Variants in CER1 observed in about 807,000 individuals in gnomAD.
CER1 encodes the protein cerberus 1, DAN family BMP antagonist.
A neutral mutation model predicts 11.8 loss-of-function variants in CER1; 10 were observed. The ratio of observed to expected loss-of-function variants is 0.85; its 90% confidence interval spans 0.52 to 1.44. The LOEUF is 1.44. Among genes scored for constraint, CER1 ranks in the 40% most tolerant of loss-of-function variants. The pLI is 0.00. For missense variants in CER1, 431 were observed against 327.0 expected, an observed-to-expected ratio of 1.32 and a Z score of -2.45; for synonymous variants, 141 against 122.3, an observed-to-expected ratio of 1.15 and a Z score of -1.01.
downstream of CER1, among the ~76,000 whole-genome samples, chr9:14,719,325 G>T (rs540843762): frequency 6.6e-6 from 1 of 152,116 alleles, no homozygotes; most frequent in Non-Finnish European, 1.5e-5. Context: ...CTTCTTCAAA[G>T]TCAGAGACCT....
rs959150403 is a variant in CER1 at position 14,719,919 on chromosome 9, G to A, written c.*171C>T. On this transcript the variant is annotated 3_prime_UTR_variant, in exon 2 of 2. Coordinates refer to ENST00000380911, the MANE Select transcript of CER1 (RefSeq NM_005454.3). ...GCAGAGCTGAGACAAGGTCTCAAAC[G>A]TGTACCAATAACTAGACTAATATCA... 7 of 621,136 alleles carry A rather than the reference G, an allele frequency of 1.1e-5. No homozygotes were observed. Among genetic ancestry groups the A allele is most frequent in the South Asian group, 2.0e-5 (1 of 49,802 alleles). The allele number at this position is 621,136 out of a possible 1,614,324, so 38.5% of individuals were successfully genotyped here.
downstream of CER1, among the ~76,000 whole-genome samples, chr9:14,719,549 GCCTGCCTGCCTGCCTTCCTTCCTT>G (rs1383726839): frequency 1.4e-3 from 111 of 78,340 alleles, no homozygotes; most frequent in African/African-American, 6.1e-3. Context: ...CTGCCTGCCT[GCCTGCCTGCCTGCCTTCCTTCCTT>G]CCTTCCTTCC....
chr9:14,719,181 T>A (rs2131788596), downstream of CER1, among the ~76,000 whole-genome samples: 1 of 152,316 alleles, frequency 6.6e-6, no homozygotes, highest in Non-Finnish European at 1.5e-5. Flanking sequence ...GTTACTTTCA[T>A]TAGCATCTCT....
Position 14,720,304 on chromosome 9 carries a change from C to G in CER1, c.590G>C (p.Gly197Ala). The change falls in exon 2 of 2, where the codon GGA (glycine) becomes GCA (alanine). Residue 197 changes from glycine to alanine, a missense_variant. By Grantham distance (60) the Gly-to-Ala change is moderately conservative (BLOSUM62 0). Coordinates refer to ENST00000380911, the MANE Select transcript of CER1 (RefSeq NM_005454.3). ...GGAGGTATGGGAGTGCTGCGCGGCT[C>G]CAGGAAAATGAACAGACCCGCATTT... ...FGKCGSVHFP[G>A]AAQHSHTSCS... The G allele has an allele frequency of 6.2e-7, 1 of 1,614,040 alleles. No homozygotes were observed.
In CER1 at chr9:14,719,938, A is replaced by C; in HGVS notation, c.*152T>G. On this transcript the variant is annotated 3_prime_UTR_variant, in exon 2 of 2. Transcript: ENST00000380911. ...TCAAACGTGTACCAATAACTAGACT[A>C]ATATCATTTCCTCTATCGTTCTAAT... The C allele has an allele frequency of 1.5e-6, 1 of 667,852 alleles. No individual in the cohort carries two copies. Among genetic ancestry groups the C allele is most frequent in the Non-Finnish European group, 2.6e-6 (1 of 391,996 alleles). 41.4% of individuals were successfully genotyped at this position (667,852 alleles called of 1,614,324 possible). A position where few individuals can be genotyped will look rare whatever the true frequency, so the allele number is the denominator to read the frequency against.
chr9:14,721,582 G>A (rs943526238), intron 1 of CER1, among the ~76,000 whole-genome samples: 3 of 152,130 alleles, frequency 2.0e-5, no homozygotes, highest in African/African-American at 2.4e-5. Flanking sequence ...GAACCTCAAC[G>A]TACTTTGAGG....
downstream of CER1, among the ~76,000 whole-genome samples, chr9:14,718,037 T>C (rs927546729): frequency 6.6e-5 from 10 of 152,190 alleles, no homozygotes; most frequent in African/African-American, 1.9e-4. Context: ...CTTTGTAAAT[T>C]GCCTTTTTTG....
At chr9:14,718,938 A>G (rs894583088), downstream of CER1, among the ~76,000 whole-genome samples, 12 of 152,124 alleles carry the variant, frequency 7.9e-5, no homozygotes, top group East Asian at 5.8e-4. Flanking sequence ...GAGACAAAAC[A>G]AGTAAGGGAA....
At chr9:14,721,134 C>T (rs1261794757) in intron 1 of CER1, among the ~76,000 whole-genome samples, 1 of 152,158 alleles carries the variant, frequency 6.6e-6, no homozygotes, top group African/African-American at 2.4e-5. Context: ...AATTGACTTG[C>T]CATTGCTACA....
chr9:14,721,866 C>T (rs1336106637), intron 1 of CER1, among the ~76,000 whole-genome samples: 1 of 151,916 alleles, frequency 6.6e-6, no homozygotes, highest in East Asian at 1.9e-4. Flanking sequence ...CTGAGTAGAT[C>T]ACCTCCAATG....
chr9:14,722,231 C>A lies in CER1; in HGVS notation c.442G>T (p.Val148Phe), dbSNP rs186822194. Residue 148 changes from valine to phenylalanine, a missense_variant, in exon 1 of 2, where the codon GTC becomes TTC. Val to Phe is a conservative substitution (Grantham distance 50). Transcript: ENST00000380911. The part of the protein sequence containing the change: ...MFRKTPASQG[V>F]ILPIKSHEVH... The stretch of plus-strand genomic sequence containing the variant: ...TCATGGCTTTTGATGGGCAAGATGA[C>A]CCCCTGAGAAGCCGGAGTTTTTCTG... 1 of 1,614,200 alleles carries A rather than the reference C, an allele frequency of 6.2e-7. No individual in the cohort carries two copies. Among genetic ancestry groups the A allele is most frequent in the Non-Finnish European group, 8.5e-7 (1 of 1,180,036 alleles).
rs17289263 is a variant in CER1, at chr9:14,720,363, T to C, written c.531A>G (p.Glu177=). Residue 177 remains glutamate (E), a synonymous_variant, in exon 2 of 2, where the codon GAA becomes GAG. Transcript: ENST00000380911. The part of the protein sequence containing the change: ...FSQTITHEGC[E]KVVVQNNLCF... ...AAAGGTTGTTCTGAACAACTACTTT[T>C]TCACAGCCTTCGTGGGTTATAGTCT... 179,398 of 1,611,436 alleles carry C rather than the reference T, an allele frequency of 0.11. 10,770 individuals are homozygous for C. Among genetic ancestry groups the C allele is most frequent in the Non-Finnish European group, 0.12 (146,792 of 1,178,222 alleles).
Position 14,720,255 on chromosome 9 carries a change from C to A in CER1, c.639G>T (p.Lys213Asn), listed in dbSNP as rs377725836. The A allele has an allele frequency of 1.2e-6, 2 of 1,614,016 alleles. No homozygotes were observed. Among genetic ancestry groups the A allele is most frequent in the East Asian group, 2.2e-5 (1 of 44,886 alleles). The part of the protein sequence containing the change: ...HTSCSHCLPA[K>N]FTTMHLPLNC... ...TCAGTGGCAAGTGCATCGTGGTGAA[C>A]TTGGCAGGCAAACAGTGAGAGCAGG... The change falls in exon 2 of 2, where the codon AAG becomes AAT. Residue 213 changes from lysine (K) to asparagine (N), a missense_variant. Lys to Asn is a moderately conservative substitution (Grantham distance 94). Coordinates refer to ENST00000380911, the MANE Select transcript of CER1 (RefSeq NM_005454.3).
chr9:14,719,531 C>G (rs959944502), downstream of CER1, among the ~76,000 whole-genome samples: 1 of 86,576 alleles, frequency 1.2e-5, no homozygotes, highest in Non-Finnish European at 2.4e-5. Flanking sequence ...GCCTGCGTGC[C>G]TGCCTGCCTG....
chr9:14,718,133 A>C (rs944379436), downstream of CER1, among the ~76,000 whole-genome samples: 3 of 152,214 alleles, frequency 2.0e-5, no homozygotes, highest in Non-Finnish European at 4.4e-5. Context: ...ACTATCAACT[A>C]TCCCATCTAG....
chr9:14,722,380 C>G lies in CER1; in HGVS notation c.293G>C (p.Arg98Thr). The change falls in exon 1 of 2, where the codon AGG becomes ACG. Residue 98 changes from arginine to threonine, a missense_variant. Transcript: ENST00000380911. The stretch of plus-strand genomic sequence containing the variant: ...TGGGAAGGGCTCACTATCTGAGTCC[C>G]TGGATGGATGCATTTCTCTCTCAGG... ...KKPEREMHPS[R>T]DSDSEPFPPG... The G allele has an allele frequency of 6.2e-7, 1 of 1,614,186 alleles. No homozygotes were observed. The highest frequency in any genetic ancestry group is 8.5e-7 in the Non-Finnish European group (1 of 1,180,038).
At chr9:14,719,712 C>A (rs1587561554), downstream of CER1, 2 of 173,986 alleles carry the variant, frequency 1.1e-5, no homozygotes, top group East Asian at 1.4e-4. Context: ...TTTTTATGGT[C>A]TCGCTTATTT....
chr9:14,720,157 T>C lies in CER1; in HGVS notation c.737A>G (p.Glu246Gly), dbSNP rs769595229. ...ATGTAGGATGTGTCCATCTTCATGC[T>C]CCGTCTTCACCTTGCACTGGCACTC... ...VEECQCKVKT[E>G]HEDGHILHAG... The change falls in exon 2 of 2, where the codon GAG (glutamate) becomes GGG (glycine). Residue 246 changes from glutamate (E) to glycine (G), a missense_variant. Coordinates refer to ENST00000380911, the MANE Select transcript of CER1 (RefSeq NM_005454.3). 7.4e-6 allele frequency: 12 copies of C among 1,614,058 alleles called. No homozygotes were observed. The highest frequency in any genetic ancestry group is 8.5e-6 in the Non-Finnish European group (10 of 1,180,050).
rs1296626958 is a variant in CER1, at chr9:14,719,930, A to G, written c.*160T>C. On this transcript the variant is annotated 3_prime_UTR_variant, in exon 2 of 2. Transcript: ENST00000380911. ...ACAAGGTCTCAAACGTGTACCAATA[A>G]CTAGACTAATATCATTTCCTCTATC... 3.1e-6 allele frequency: 2 copies of G among 652,352 alleles called. No individual in the cohort carries two copies. The highest frequency in any genetic ancestry group is 3.6e-5 in the African/African-American group (2 of 55,000). 40.4% of individuals were successfully genotyped at this position (652,352 alleles called of 1,614,324 possible). A position where few individuals can be genotyped will look rare whatever the true frequency, so the allele number is the denominator to read the frequency against.
Sources: gnomAD v4.1 joint callset for allele counts (sites outside exome capture counted in the v4.1 genomes callset) on GRCh38, gnomAD v4.1.1 for gene constraint, MANE v1.5 for transcripts, NCBI Gene and HGNC (gene_info 2026-07-23, HGNC 2026-07-21) for gene names.